Variants in SYNE2 observed in about 807,000 individuals in gnomAD.
SYNE2 encodes nesprin-2.
A neutral mutation model predicts 856.3 loss-of-function variants in SYNE2; 431 were observed. The observed-to-expected ratio is 0.50, with a 90% confidence interval of 0.47 to 0.55. The LOEUF is 0.55. Among genes scored for constraint, SYNE2 ranks in the 20% least tolerant of loss-of-function variants. The pLI is 0.00. For synonymous variants in SYNE2, 2,923 were observed against 2,872.3 expected (o/e 1.02, Z -0.56); for missense variants, 8,129 against 8,023.2 (o/e 1.01, Z -0.50).
Position 64,183,470 on chromosome 14 carries a change from G to A in SYNE2, c.17557-2954G>A, listed in dbSNP as rs561185771. Among the ~76,000 whole-genome samples the A allele has an allele frequency of 9.2e-5, 14 of 151,574 alleles. No individual in the cohort carries two copies. The South Asian group carries it at 1.5e-3, about 16-fold the overall frequency. ...CAGAGGGGCTCCTCACATCCCAGAC[G>A]ATGGGCGGCCAGGCAGAGACGCTCC... On this transcript the variant is annotated intron_variant, in intron 96 of 115. Coordinates refer to ENST00000555002, the MANE Select transcript of SYNE2 (RefSeq NM_182914.3).
At chr14:64,075,359 A>C (rs188857181) in intron 53 of SYNE2, among the ~76,000 whole-genome samples, 1 of 152,328 alleles carries the variant, frequency 6.6e-6, no homozygotes, top group African/African-American at 2.4e-5. Context: ...TCTAGGCCAC[A>C]ACCAATAGAC....
intron 91 of SYNE2, 53 bp downstream of exon 91, chr14:64,167,440 T>G: frequency 6.2e-7 from 1 of 1,614,252 alleles, no homozygotes; most frequent in Non-Finnish European, 8.5e-7. Context: ...ATTAACGGCT[T>G]CAGCTCGGGA....
At chr14:64,146,933 G>A (rs557751663) in intron 84 of SYNE2, among the ~76,000 whole-genome samples, 5 of 152,316 alleles carry the variant, frequency 3.3e-5, no homozygotes, top group Admixed American at 1.3e-4. Context: ...AGGAGGTCAC[G>A]GGATAGCACT....
At chr14:64,163,670 A>C in intron 89 of SYNE2, 89 bp downstream of exon 89, 1 of 1,505,088 alleles carries the variant, frequency 6.6e-7, no homozygotes, top group South Asian at 1.2e-5. Context: ...GTAGTGCTTT[A>C]CGGGCTGCTC....
At chr14:64,166,077 A>C (rs1391451348) in intron 90 of SYNE2, among the ~76,000 whole-genome samples, 2 of 152,226 alleles carry the variant, frequency 1.3e-5, no homozygotes, top group Non-Finnish European at 2.9e-5. Context: ...TTAGTTTAGT[A>C]AACATAAATG....
intron 70 of SYNE2, among the ~76,000 whole-genome samples, chr14:64,124,402 A>C (rs556528614): frequency 4.8e-4 from 68 of 143,028 alleles, no homozygotes; most frequent in African/African-American, 1.7e-3. Flanking sequence ...TTTTGCAGAG[A>C]ATGTATCTTG....
chr14:63,815,502 GCCCA>G (rs1453359954), intron 1 of SYNE2, among the ~76,000 whole-genome samples: 3 of 151,804 alleles, frequency 2.0e-5, no homozygotes, highest in Non-Finnish European at 4.4e-5. Context: ...ATTAGATGGT[GCCCA>G]CCCAGATTAA....
At chr14:64,127,240 G>A (rs149720940) in intron 73 of SYNE2, among the ~76,000 whole-genome samples, 2,165 of 151,820 alleles carry the variant, frequency 0.014, 30 homozygotes, top group Non-Finnish European at 0.021. Context: ...CAGCCTGAGC[G>A]GCAGAGCAAG....
At chr14:64,081,794 G>T (rs1460056186) in intron 57 of SYNE2, among the ~76,000 whole-genome samples, 6 of 152,086 alleles carry the variant, frequency 3.9e-5, no homozygotes, top group African/African-American at 1.4e-4. Context: ...ACTACTTTAT[G>T]ACTTTTTGGA....
chr14:64,168,859 G>C lies in SYNE2; in HGVS notation c.16906-18G>C, dbSNP rs2098396496. 1 of 1,545,956 alleles carries C rather than the reference G, an allele frequency of 6.5e-7. No individual in the cohort carries two copies. The highest frequency in any genetic ancestry group is 1.7e-5 in the Admixed American group (1 of 59,904). On this transcript the variant is annotated intron_variant, in intron 92 of 115. Coordinates refer to ENST00000555002, the MANE Select transcript of SYNE2 (RefSeq NM_182914.3). ...TGAATTTTACTAGCTGATATTTTCT[G>C]CTTGGACTCATATACAGATGTTAGA...
intron 45 of SYNE2, among the ~76,000 whole-genome samples, chr14:64,032,566 T>TTTGTTGTTGTTTTTG (rs2097048713): frequency 6.7e-6 from 1 of 149,748 alleles, no homozygotes; most frequent in African/African-American, 2.5e-5. Flanking sequence ...TATCTCTAAT[T>TTTGTTGTTGTTTTTG]TTGTTGTTGT....
At chr14:64,040,614 A>ATG (rs943500267) in intron 45 of SYNE2, among the ~76,000 whole-genome samples, 16 of 146,688 alleles carry the variant, frequency 1.1e-4, no homozygotes, top group African/African-American at 3.5e-4. Context: ...ATATATATAT[A>ATG]TGTATATACA....
chr14:64,111,783 G>A (rs960522366), intron 65 of SYNE2, among the ~76,000 whole-genome samples: 25 of 151,958 alleles, frequency 1.6e-4, no homozygotes, highest in South Asian at 6.2e-4. Context: ...GGGTGACAGA[G>A]GGAAACTCTT....
chr14:63,806,556 C>A (rs751687262), intron 1 of SYNE2, among the ~76,000 whole-genome samples: 16 of 152,072 alleles, frequency 1.1e-4, no homozygotes, highest in Non-Finnish European at 1.9e-4. Flanking sequence ...GGTACCAGCT[C>A]TTCTTTGTTG....
chr14:63,935,968 A>G (rs2095825525), intron 2 of SYNE2, among the ~76,000 whole-genome samples: 1 of 152,232 alleles, frequency 6.6e-6, no homozygotes, highest in Admixed American at 6.5e-5. Context: ...TCTCCCTGCC[A>G]CATTCAAGCG....
intron 78 of SYNE2, among the ~76,000 whole-genome samples, chr14:64,135,743 T>C (rs1018071763): frequency 6.6e-6 from 1 of 152,226 alleles, no homozygotes; most frequent in Non-Finnish European, 1.5e-5. Context: ...TCTAAGACTT[T>C]TAAATAAATT....
At chr14:64,032,532 A>G (rs1031346984) in intron 45 of SYNE2, among the ~76,000 whole-genome samples, 2 of 152,010 alleles carry the variant, frequency 1.3e-5, no homozygotes, top group African/African-American at 2.4e-5. Context: ...ACTGTACTCC[A>G]CCCTCGGCGA....
At chr14:64,145,206 T>G (rs1415596548) in intron 83 of SYNE2, among the ~76,000 whole-genome samples, 2 of 151,398 alleles carry the variant, frequency 1.3e-5, no homozygotes, top group Non-Finnish European at 2.9e-5. Context: ...GGATTACAGG[T>G]AAGAGCCACC....
At chr14:64,164,087 C>CTTGCTTATTTAT (rs368903265) in intron 89 of SYNE2, among the ~76,000 whole-genome samples, 50 of 137,744 alleles carry the variant, frequency 3.6e-4, no homozygotes, top group Admixed American at 1.3e-3. Context: ...GCCTGGCTTG[C>CTTGCTTATTTAT]TTATTTATTT....
Sources: gnomAD v4.1 joint callset for allele counts (sites outside exome capture counted in the v4.1 genomes callset) on GRCh38, gnomAD v4.1.1 for gene constraint, MANE v1.5 for transcripts, NCBI Gene and HGNC (gene_info 2026-07-23, HGNC 2026-07-21) for gene names.